The following ST3GAL1 variants were observed in gnomAD, a reference collection of about 807,000 sequenced individuals.
ST3GAL1 encodes the protein CMP-N-acetylneuraminate-beta-galactosamide-alpha-2,3-sialyltransferase 1.
In ST3GAL1, 16 loss-of-function variants were observed where a neutral mutation model predicts 34.1. The observed-to-expected ratio is 0.47, with a 90% CI of 0.32 to 0.71. ST3GAL1 has a LOEUF of 0.71. ST3GAL1 is among the 30% of genes least tolerant of loss of function. The pLI, the probability that ST3GAL1 is intolerant of heterozygous loss-of-function variation, is 0.04. For synonymous variants in ST3GAL1, 191 were observed against 184.7 expected (o/e 1.03, Z -0.28); for missense variants, 353 against 447.4 (o/e 0.79, Z 1.90).
chr8:133,464,104 A>C (rs1815631377), intron 7 of ST3GAL1, among the ~76,000 whole-genome samples: 1 of 152,212 alleles, frequency 6.6e-6, no homozygotes, highest in South Asian at 2.1e-4. Flanking sequence ...CCTGGACATC[A>C]AAACACTTCC....
chr8:133,543,601 G>T (rs1440968633), intron 2 of ST3GAL1, among the ~76,000 whole-genome samples: 1 of 151,676 alleles, frequency 6.6e-6, no homozygotes, highest in African/African-American at 2.4e-5. Flanking sequence ...TAAAATAATT[G>T]AAAAAAATTA....
chr8:133,548,281 A>C (rs1818726839), intron 1 of ST3GAL1, among the ~76,000 whole-genome samples: 1 of 152,238 alleles, frequency 6.6e-6, no homozygotes, highest in Non-Finnish European at 1.5e-5. Context: ...ATTGTAACTC[A>C]GGCCTCCCTC....
intron 3 of ST3GAL1, among the ~76,000 whole-genome samples, chr8:133,493,612 C>A (rs2130982288): frequency 6.6e-6 from 1 of 152,248 alleles, no homozygotes; most frequent in East Asian, 1.9e-4. Context: ...TTTGGGAGAC[C>A]CAGGCAGGTG....
chr8:133,513,987 A>G (rs1310241028), intron 2 of ST3GAL1, among the ~76,000 whole-genome samples: 5 of 152,202 alleles, frequency 3.3e-5, no homozygotes, highest in Non-Finnish European at 7.3e-5. Context: ...ATGGCAAACC[A>G]GGAAGCGTAT....
At chr8:133,498,527 C>T (rs1023482262) in intron 3 of ST3GAL1, among the ~76,000 whole-genome samples, 2 of 152,058 alleles carry the variant, frequency 1.3e-5, no homozygotes, top group Non-Finnish European at 2.9e-5. Flanking sequence ...TCTAGCTGAG[C>T]TCTGCTTGTC....
intron 3 of ST3GAL1, among the ~76,000 whole-genome samples, chr8:133,487,234 G>T (rs115472154): frequency 6.6e-6 from 1 of 151,668 alleles, no homozygotes; most frequent in Non-Finnish European, 1.5e-5. Context: ...CTACCACACC[G>T]TACAATCATG....
chr8:133,558,376 A>C (rs751133748), intron 1 of ST3GAL1, among the ~76,000 whole-genome samples: 10 of 152,208 alleles, frequency 6.6e-5, no homozygotes, highest in Non-Finnish European at 1.3e-4. Flanking sequence ...AGGAAAGGGA[A>C]GTACAGAGAG....
intron 3 of ST3GAL1, among the ~76,000 whole-genome samples, chr8:133,489,279 GACCCCGC>G (rs1816711030): frequency 6.6e-6 from 1 of 152,128 alleles, no homozygotes; most frequent in African/African-American, 2.4e-5. Flanking sequence ...CAGTCCAGGT[GACCCCGC>G]AGACCTAACT....
chr8:133,550,941 C>T (rs1360713005), intron 1 of ST3GAL1, among the ~76,000 whole-genome samples: 3 of 152,204 alleles, frequency 2.0e-5, no homozygotes, highest in Non-Finnish European at 2.9e-5. Context: ...AGAAGTAAAG[C>T]TGGATACCAC....
chr8:133,483,822 T>G (rs1206524689), intron 3 of ST3GAL1, among the ~76,000 whole-genome samples: 1 of 152,138 alleles, frequency 6.6e-6, no homozygotes, highest in African/African-American at 2.4e-5. Context: ...CCCAGAGGCT[T>G]ATGTAGAGAG....
At chr8:133,542,488 G>A (rs1436842395) in intron 2 of ST3GAL1, among the ~76,000 whole-genome samples, 1 of 152,188 alleles carries the variant, frequency 6.6e-6, no homozygotes, top group South Asian at 2.1e-4. Context: ...TATAAAGAAA[G>A]GAAGGGCTGG....
intron 2 of ST3GAL1, among the ~76,000 whole-genome samples, chr8:133,499,827 G>A (rs1256149652): frequency 6.6e-6 from 1 of 152,186 alleles, no homozygotes; most frequent in Non-Finnish European, 1.5e-5. Flanking sequence ...AGGTCTGCAG[G>A]TCAAAGGCTG....
At chr8:133,554,866 A>G (rs1013842478) in intron 1 of ST3GAL1, among the ~76,000 whole-genome samples, 1 of 151,484 alleles carries the variant, frequency 6.6e-6, no homozygotes, top group Admixed American at 6.6e-5. Flanking sequence ...ACCTGGAATT[A>G]CAGGCACACA....
intron 2 of ST3GAL1, among the ~76,000 whole-genome samples, chr8:133,544,947 T>C (rs143131701): frequency 6.6e-6 from 1 of 152,300 alleles, no homozygotes; most frequent in East Asian, 1.9e-4. Flanking sequence ...CAAGCTGGGT[T>C]AGAGACCAGC....
intron 2 of ST3GAL1, among the ~76,000 whole-genome samples, chr8:133,510,842 G>A (rs1817481230): frequency 6.6e-6 from 1 of 152,190 alleles, no homozygotes; most frequent in South Asian, 2.1e-4. Flanking sequence ...ACCATAAGCT[G>A]AGAACAGCAG....
At chr8:133,540,088 G>A (rs62520290) in intron 2 of ST3GAL1, among the ~76,000 whole-genome samples, 27,242 of 151,942 alleles carry the variant, frequency 0.18, 2,621 homozygotes, top group South Asian at 0.3. Flanking sequence ...AAGCTCCCCC[G>A]CTCTTCATTT....
At chr8:133,499,844 C>T (rs1172071901) in intron 2 of ST3GAL1, among the ~76,000 whole-genome samples, 3 of 152,158 alleles carry the variant, frequency 2.0e-5, no homozygotes, top group Non-Finnish European at 4.4e-5. Flanking sequence ...GCTGTTCTCA[C>T]CCACCCCCAT....
chr8:133,483,458 T>G, intron 3 of ST3GAL1, among the ~76,000 whole-genome samples: 1 of 152,196 alleles, frequency 6.6e-6, no homozygotes. Flanking sequence ...AGGTCAATTC[T>G]GTCTCTCCCC....
At chr8:133,490,836 G>C (rs111740252) in intron 3 of ST3GAL1, among the ~76,000 whole-genome samples, 2,936 of 152,282 alleles carry the variant, frequency 0.019, 36 homozygotes, top group African/African-American at 0.03. Flanking sequence ...GGACTGGAGA[G>C]GGGTGCACAG....
Sources: allele counts gnomAD v4.1 joint callset (sites outside exome capture counted in the v4.1 genomes callset), GRCh38; gene constraint gnomAD v4.1.1; transcripts MANE v1.5; gene names NCBI Gene and HGNC (gene_info 2026-07-23, HGNC 2026-07-21).